Variants in TXNDC17 observed in about 807,000 individuals in gnomAD.
The protein encoded by TXNDC17 is thioredoxin domain-containing protein 17.
TXNDC17 carries 12 observed loss-of-function variants against 16.3 expected under a neutral mutation model. The ratio of observed to expected loss-of-function variants is 0.74; its 90% CI spans 0.47 to 1.19. The LOEUF is 1.19. TXNDC17 is among the 50% of genes most tolerant of loss of function. The pLI, the probability that TXNDC17 is intolerant of heterozygous loss-of-function variation, is 0.00. For missense variants in TXNDC17, 158 were observed against 149.7 expected (o/e 1.06, Z -0.29); for synonymous variants, 62 against 55.0 (o/e 1.13, Z -0.56).
chr17:6,641,914 AC>A, intron 2 of TXNDC17, 80 bp downstream of exon 2: 1 of 1,267,192 alleles, frequency 7.9e-7, no homozygotes, highest in South Asian at 1.2e-5. Context: ...GGACTTACTT[AC>A]CCAGTTTGTC....
Position 6,641,770 on chromosome 17 carries a change from G to T in TXNDC17, c.163G>T (p.Glu55Ter). 1 of 1,614,188 alleles carries T rather than the reference G, an allele frequency of 6.2e-7. No individual in the cohort carries two copies. The highest frequency in any genetic ancestry group is 8.5e-7 in the Non-Finnish European group (1 of 1,180,030). The change falls in exon 2 of 4, where the codon GAG becomes TAG. Residue 55 changes from glutamate to a stop codon, truncating the protein, a stop_gained. Coordinates refer to ENST00000250101, the MANE Select transcript of TXNDC17 (RefSeq NM_032731.4). LOFTEE classifies it high-confidence loss of function. ...DCVQAEPVVR[E>*]GLKHISEGCV... is the part of the protein sequence containing the mutation. ...TTTTAAAGCTGAACCAGTCGTACGA[G>T]AGGGGCTGAAGCACATTAGTGAAGG...
At chr17:6,641,617 G>A (rs2285997) in intron 1 of TXNDC17, 136 bp from the exon 2 acceptor site, 1 of 845,466 alleles carries the variant, frequency 1.2e-6, no homozygotes, top group Non-Finnish European at 1.9e-6. Context: ...CACCTGACTT[G>A]TGTTGACCTC....
Position 6,641,844 on chromosome 17 carries a change from A to C in TXNDC17, c.227+10A>C, listed in dbSNP as rs775211345. 2.4e-5 allele frequency: 39 copies of C among 1,613,360 alleles called. No individual in the cohort carries two copies. The highest frequency in any genetic ancestry group is 8.0e-5 in the African/African-American group (6 of 74,928). On this transcript the variant is annotated intron_variant, in intron 2 of 3. Transcript: ENST00000250101. Reference sequence around the variant, plus strand: ...TAGGAGAAAAGCCTTAGTAAGTGGCAATGTATAATCTACCTCGCAGACGTG... The same window carrying C: ...TAGGAGAAAAGCCTTAGTAAGTGGCCATGTATAATCTACCTCGCAGACGTG...
intron 2 of TXNDC17, 27 bp from the exon 3 acceptor site, chr17:6,642,222 T>C: frequency 1.3e-6 from 2 of 1,536,186 alleles, no homozygotes; most frequent in Non-Finnish European, 1.8e-6. Flanking sequence ...TAAATTTTTT[T>C]CATGATCACT....
At chr17:6,641,265 T>A (rs1246643169) in intron 1 of TXNDC17, 38 bp downstream of exon 1, 2 of 1,610,254 alleles carry the variant, frequency 1.2e-6, no homozygotes, top group South Asian at 1.1e-5. Flanking sequence ...CCAATGGAAA[T>A]GGCAGGAAGG....
chr17:6,641,911 C>A lies in TXNDC17; in HGVS notation c.227+77C>A, dbSNP rs1972683213. On this transcript the variant is annotated intron_variant, in intron 2 of 3. Coordinates refer to ENST00000250101, the MANE Select transcript of TXNDC17 (RefSeq NM_032731.4). The stretch of plus-strand genomic sequence containing the variant: ...AGGCGGGAAGGGCCTCAGGGACTTA[C>A]TTACCCAGTTTGTCTTACAAGGTAA... The A allele has an allele frequency of 6.9e-6, 9 of 1,295,910 alleles. No individual in the cohort carries two copies. In the South Asian group the frequency reaches 9.7e-5, roughly 14 times the overall value. The allele number at this position is 1,295,910 out of a possible 1,614,324, so 80.3% of individuals were successfully genotyped here.
intron 1 of TXNDC17, 195 bp from the exon 2 acceptor site, chr17:6,641,558 A>C: frequency 4.6e-6 from 3 of 654,194 alleles, no homozygotes; most frequent in Non-Finnish European, 7.9e-6. Flanking sequence ...GCAAATCGGG[A>C]CTGGGATTTG....
intron 3 of TXNDC17, chr17:6,642,706 G>C: frequency 1.9e-6 from 1 of 518,100 alleles, no homozygotes; most frequent in Middle Eastern, 5.0e-4. Flanking sequence ...TGGGCTTGCT[G>C]TCTCCTGTTT....
intron 2 of TXNDC17, 131 bp from the exon 3 acceptor site, chr17:6,642,118 C>G: frequency 2.9e-6 from 2 of 698,728 alleles, no homozygotes; most frequent in East Asian, 2.7e-5. Flanking sequence ...AAGCCATAGT[C>G]CGCAAGGTTT....
intron 1 of TXNDC17, 124 bp downstream of exon 1, chr17:6,641,351 G>A (rs1477796369): frequency 1.5e-6 from 2 of 1,372,546 alleles, no homozygotes; most frequent in Non-Finnish European, 2.0e-6. Context: ...AATCTGAGCT[G>A]TCCCCAAGTC....
intron 2 of TXNDC17, 91 bp downstream of exon 2, chr17:6,641,925 C>A: frequency 8.8e-7 from 1 of 1,139,824 alleles, no homozygotes. Flanking sequence ...CCCAGTTTGT[C>A]TTACAAGGTA....
rs1972727410 is a variant in TXNDC17 at position 6,643,764 on chromosome 17, T to C, written c.*745T>C. 4.7e-6 allele frequency: 1 copy of C among 211,806 alleles called. No individual in the cohort carries two copies. The highest frequency in any genetic ancestry group is 1.9e-4 in the South Asian group (1 of 5,372). The allele number at this position is 211,806 out of a possible 1,614,324, so 13.1% of individuals were successfully genotyped here. On this transcript the variant is annotated 3_prime_UTR_variant, in exon 4 of 4. Coordinates refer to ENST00000250101, the MANE Select transcript of TXNDC17 (RefSeq NM_032731.4). ...TCAAGGAAGCACTTAACATAGCACC[T>C]GGTTTGTGGTACCTCCCAAATCAAT...
intron 3 of TXNDC17, 86 bp from the exon 4 acceptor site, chr17:6,642,865 G>T: frequency 1.0e-6 from 1 of 956,922 alleles, no homozygotes; most frequent in Non-Finnish European, 1.7e-6. Flanking sequence ...TGTGTTCAAA[G>T]ATGAGTGTCA....
Position 6,644,378 on chromosome 17 carries a change from A to G in TXNDC17, c.*1359A>G, listed in dbSNP as rs1972738462. The G allele has an allele frequency of 7.0e-7, 1 of 1,423,180 alleles. No homozygotes were observed. Among genetic ancestry groups the G allele is most frequent in the Admixed American group, 2.7e-5 (1 of 37,554 alleles). The allele number at this position is 1,423,180 out of a possible 1,614,324, so 88.2% of individuals were successfully genotyped here. Reference sequence around the variant, plus strand: ...CTAGGGGCTACCATAATAAAGGTAGATAGGAAGAGTTTTCATTTTTTTTGT... The same window carrying G: ...CTAGGGGCTACCATAATAAAGGTAGGTAGGAAGAGTTTTCATTTTTTTTGT... On this transcript the variant is annotated 3_prime_UTR_variant, in exon 4 of 4. Coordinates refer to ENST00000250101, the MANE Select transcript of TXNDC17 (RefSeq NM_032731.4).
intron 1 of TXNDC17, 157 bp downstream of exon 1, chr17:6,641,384 G>T (rs1272266711): frequency 9.1e-6 from 10 of 1,096,612 alleles, no homozygotes; most frequent in Non-Finnish European, 1.1e-5. Flanking sequence ...ATCCTACCCC[G>T]CCCTGCCAAG....
At position 6,644,257 on chromosome 17, in the gene TXNDC17, C is replaced by T. The variant is rs552626326; in HGVS notation, c.*1238C>T. On this transcript the variant is annotated 3_prime_UTR_variant, in exon 4 of 4. Transcript: ENST00000250101. ...GCTAAATGCGTAAAAAAGAAAAACA[C>T]CTTACAAATCCACAGGGAAATCAAA... 9.8e-5 allele frequency: 56 copies of T among 570,664 alleles called. No individual in the cohort carries two copies. In the South Asian group the frequency reaches 1.5e-3, roughly 16 times the overall value. The allele number at this position is 570,664 out of a possible 1,614,324, so 35.4% of individuals were successfully genotyped here.
intron 3 of TXNDC17, 25 bp from the exon 4 acceptor site, chr17:6,642,926 A>G: frequency 1.3e-6 from 2 of 1,577,350 alleles, no homozygotes; most frequent in Non-Finnish European, 1.7e-6. Context: ...GAAGTAGTGA[A>G]GATTTGACTG....
chr17:6,643,990 G>A lies in TXNDC17; in HGVS notation c.*971G>A. On this transcript the variant is annotated 3_prime_UTR_variant, in exon 4 of 4. Coordinates refer to ENST00000250101, the MANE Select transcript of TXNDC17 (RefSeq NM_032731.4). The stretch of plus-strand genomic sequence containing the variant: ...TCCTGCAGAATTCAAGAACCTTTAT[G>A]CAGTTCCTGTCCTATGATTTAAAGA... 2.5e-6 allele frequency: 1 copy of A among 398,156 alleles called. No individual in the cohort carries two copies. Among genetic ancestry groups the A allele is most frequent in the Admixed American group, 4.4e-5 (1 of 22,812 alleles). The allele number at this position is 398,156 out of a possible 1,614,324, so 24.7% of individuals were successfully genotyped here.
In TXNDC17 at chr17:6,644,320, TA is replaced by T. The variant is rs1213163300; in HGVS notation, c.*1306del. 5 of 841,646 alleles carry T rather than the reference TA, an allele frequency of 5.9e-6. No individual in the cohort carries two copies. The highest frequency in any genetic ancestry group is 6.7e-6 in the Non-Finnish European group (4 of 593,348). The allele number at this position is 841,646 out of a possible 1,614,324, so 52.1% of individuals were successfully genotyped here. On this transcript the variant is annotated 3_prime_UTR_variant, in exon 4 of 4. Coordinates refer to ENST00000250101, the MANE Select transcript of TXNDC17 (RefSeq NM_032731.4). ...TTTAACAGAAATAGTCTATTAACAA[TA>T]AAAAGTTGGATGAAAAAGCACACTA...
Sources: allele counts gnomAD v4.1 joint callset, GRCh38; gene constraint gnomAD v4.1.1; transcripts MANE v1.5; gene names NCBI Gene and HGNC (gene_info 2026-07-23, HGNC 2026-07-21).